XRRA1: variants seen among roughly 807,000 people sequenced by gnomAD.
The protein encoded by XRRA1 is X-ray radiation resistance-associated protein 1.
A neutral mutation model predicts 80.2 loss-of-function variants in XRRA1; 69 were observed. The ratio of observed to expected loss-of-function variants is 0.86; its 90% CI spans 0.71 to 1.05. The LOEUF is 1.05. Among genes scored for constraint, XRRA1 ranks in the 50% least tolerant of loss-of-function variants. The probability of loss-of-function intolerance (pLI) is 0.00; values close to 1 mark genes in which losing one functional copy is unlikely to be tolerated. For synonymous variants in XRRA1, 348 were observed against 389.9 expected, an observed-to-expected ratio of 0.89 and a Z score of 1.27; for missense variants, 967 against 976.4, an observed-to-expected ratio of 0.99 and a Z score of 0.13.
intron 8 of XRRA1, chr11:74,919,634 C>T: frequency 1.8e-6 from 1 of 557,540 alleles, no homozygotes; most frequent in Non-Finnish European, 3.5e-6. Context: ...GCCGTTCTGC[C>T]ATCAATGAGG....
At chr11:74,918,496 T>C (rs1462185337) in intron 8 of XRRA1, among the ~76,000 whole-genome samples, 2 of 152,180 alleles carry the variant, frequency 1.3e-5, no homozygotes, top group East Asian at 1.9e-4. Flanking sequence ...TGAAAGTGTC[T>C]TCAGTATAAG....
chr11:74,869,781 A>G (rs1273936600), intron 10 of XRRA1, among the ~76,000 whole-genome samples: 3 of 152,166 alleles, frequency 2.0e-5, no homozygotes, highest in Non-Finnish European at 4.4e-5. Flanking sequence ...CTGCCTCCTC[A>G]TCAGGCACCT....
At chr11:74,875,975 A>G (rs2045954195) in intron 10 of XRRA1, among the ~76,000 whole-genome samples, 1 of 150,624 alleles carries the variant, frequency 6.6e-6, no homozygotes, top group African/African-American at 2.5e-5. Context: ...CCACGTGCCA[A>G]AGAAGAAGGA....
intron 10 of XRRA1, among the ~76,000 whole-genome samples, chr11:74,895,781 C>G (rs1681403011): frequency 6.6e-6 from 1 of 152,232 alleles, no homozygotes; most frequent in East Asian, 1.9e-4. Context: ...CATTCCAGGC[C>G]CTAGTTCTTA....
chr11:74,888,379 A>C (rs1161637249), intron 10 of XRRA1, among the ~76,000 whole-genome samples: 1 of 152,164 alleles, frequency 6.6e-6, no homozygotes, highest in Non-Finnish European at 1.5e-5. Context: ...TTAGAAGGAA[A>C]ACTAACAGAA....
chr11:74,945,613 C>T (rs193143010), intron 1 of XRRA1, among the ~76,000 whole-genome samples: 4,376 of 123,086 alleles, frequency 0.036, 109 homozygotes, highest in Non-Finnish European at 0.056. Flanking sequence ...GGGCACATAA[C>T]CCCTGGTTAC....
chr11:74,947,968 G>A (rs1431885284), intron 1 of XRRA1, among the ~76,000 whole-genome samples: 1 of 152,042 alleles, frequency 6.6e-6, no homozygotes, highest in South Asian at 2.1e-4. Context: ...CAGGTGATCC[G>A]CCTGCCTTGG....
chr11:74,882,536 TGTTCCGTTGCTGGTGAGGAACTGC>T (rs1157765124), intron 10 of XRRA1, among the ~76,000 whole-genome samples: 18 of 152,338 alleles, frequency 1.2e-4, no homozygotes, highest in African/African-American at 4.3e-4. Flanking sequence ...CATCCAGGTT[TGTTCCGTTGCTGGTGAGGAACTGC>T]GTTCCTTTGG....
intron 10 of XRRA1, among the ~76,000 whole-genome samples, chr11:74,897,585 G>A (rs979493792): frequency 1.3e-5 from 2 of 151,622 alleles, no homozygotes; most frequent in Admixed American, 6.6e-5. Context: ...AAAGGTCAAG[G>A]ATCCTAAAAG....
At position 74,843,910 on chromosome 11, in the gene XRRA1, A is replaced by G. The variant is rs766423498; in HGVS notation, c.2093T>C (p.Leu698Pro). Reference sequence around the variant, plus strand: ...CCGCAAGCGAATGAAGATGTCATCCAGAAGTTGGGCTCTAGTCTTCTTTGG... The same window carrying G: ...CCGCAAGCGAATGAAGATGTCATCCGGAAGTTGGGCTCTAGTCTTCTTTGG... ...PPPKKTRAQL[L>P]DDIFIRLRDP... The change falls in exon 18 of 19, where the codon CTG becomes CCG. Residue 698 changes from leucine to proline, a missense_variant. By Grantham distance (98) the Leu-to-Pro change is moderately conservative. Transcript: ENST00000684022. 2 of 1,613,702 alleles carry G rather than the reference A, an allele frequency of 1.2e-6. No homozygotes were observed. Among genetic ancestry groups the G allele is most frequent in the Non-Finnish European group, 1.7e-6 (2 of 1,179,788 alleles).
intron 10 of XRRA1, among the ~76,000 whole-genome samples, chr11:74,866,471 G>T (rs1440539725): frequency 1.3e-5 from 2 of 151,980 alleles, no homozygotes. Flanking sequence ...GCCCAGGCTG[G>T]TCTTGAACTC....
At chr11:74,916,590 T>C (rs932709684) in intron 8 of XRRA1, among the ~76,000 whole-genome samples, 1 of 152,212 alleles carries the variant, frequency 6.6e-6, no homozygotes, top group Non-Finnish European at 1.5e-5. Context: ...CTTTCATTAG[T>C]TCTTTGAAAA....
chr11:74,868,319 A>G (rs2043943843), intron 10 of XRRA1, among the ~76,000 whole-genome samples: 1 of 152,226 alleles, frequency 6.6e-6, no homozygotes, highest in Admixed American at 6.5e-5. Flanking sequence ...AGACATGCAA[A>G]TGCTAAGGGA....
chr11:74,892,252 A>G (rs1299722458), intron 10 of XRRA1, among the ~76,000 whole-genome samples: 1 of 152,208 alleles, frequency 6.6e-6, no homozygotes, highest in African/African-American at 2.4e-5. Context: ...ATAACGCTGC[A>G]TATCTACAAC....
chr11:74,875,842 G>C (rs989502212), intron 10 of XRRA1, among the ~76,000 whole-genome samples: 2 of 152,158 alleles, frequency 1.3e-5, no homozygotes, highest in African/African-American at 2.4e-5. Context: ...CTACACTGAA[G>C]CCTGAGCAAC....
chr11:74,844,882 G>A (rs760131948), intron 16 of XRRA1, among the ~76,000 whole-genome samples, 191 bp downstream of exon 16: 74 of 152,264 alleles, frequency 4.9e-4, no homozygotes, highest in Non-Finnish European at 1.0e-3. Flanking sequence ...GCCTAGGCCA[G>A]GACAGGGGTC....
chr11:74,844,284 C>T lies in XRRA1; in HGVS notation c.1928-1G>A. 6.2e-7 allele frequency: 1 copy of T among 1,611,396 alleles called. No homozygotes were observed. The highest frequency in any genetic ancestry group is 8.5e-7 in the Non-Finnish European group (1 of 1,178,908). ...AGGGCTTGTGCATTCTTCTGGATTCCTAGGGCAAGAAGGCAAGACTGAGTC... is the reference window on the plus strand; with the variant it reads ...AGGGCTTGTGCATTCTTCTGGATTCTTAGGGCAAGAAGGCAAGACTGAGTC... On this transcript the variant is annotated splice_acceptor_variant, in intron 16 of 18. Transcript: ENST00000684022. LOFTEE classifies it high-confidence loss of function.
Position 74,940,856 on chromosome 11 carries a change from T to A in XRRA1, c.23A>T (p.Lys8Met). The A allele has an allele frequency of 6.2e-7, 1 of 1,609,084 alleles. No homozygotes were observed. Residue 8 changes from lysine (K) to methionine (M), a missense_variant, in exon 3 of 19, where the codon AAG (lysine) becomes ATG (methionine). Coordinates refer to ENST00000684022, the MANE Select transcript of XRRA1 (RefSeq NM_001378157.1). ...CAGGTAAGGCTTCCCATCATCCAGCTTGTAGATTCCTGAGAAGGCCATCTC... is the reference window on the plus strand; with the variant it reads ...CAGGTAAGGCTTCCCATCATCCAGCATGTAGATTCCTGAGAAGGCCATCTC... MAFSGIY[K>M]LDDGKPYLNN...
At chr11:74,897,981 T>C (rs919736975) in intron 10 of XRRA1, among the ~76,000 whole-genome samples, 1 of 152,306 alleles carries the variant, frequency 6.6e-6, no homozygotes, top group South Asian at 2.1e-4. Context: ...AATTCTGTAG[T>C]GGTCATGTGT....
Sources: allele counts gnomAD v4.1 joint callset (sites outside exome capture counted in the v4.1 genomes callset), GRCh38; gene constraint gnomAD v4.1.1; transcripts MANE v1.5; gene names NCBI Gene and HGNC (gene_info 2026-07-23, HGNC 2026-07-21).